Variants in SYNPO observed in about 807,000 individuals in gnomAD.
SYNPO encodes the protein synaptopodin.
Under a neutral mutation model 49.5 loss-of-function variants are expected in SYNPO, and 19 were observed. The observed-to-expected ratio is 0.38, with a 90% CI of 0.27 to 0.56. SYNPO has a LOEUF of 0.56. SYNPO is among the 20% of genes least tolerant of loss of function. SYNPO has a pLI of 0.68. For synonymous variants in SYNPO, 536 were observed against 548.0 expected, an observed-to-expected ratio of 0.98 and a Z score of 0.31; for missense variants, 1,131 against 1,248.3, an observed-to-expected ratio of 0.91 and a Z score of 1.42.
chr5:150,656,532 C>T lies in SYNPO; in HGVS notation c.2157C>T (p.Pro719=), dbSNP rs1758559289. The part of the protein sequence containing the change: ...EPGRGSSMSS[P]PPLPPPPPMS... ...GTCGCGGGAGCAGCATGAGCAGCCC[C>T]CCGCCGCTGCCGCCGCCACCGCCCA... is the stretch of plus-strand genomic sequence containing the variant. Residue 719 remains proline, a synonymous_variant, in exon 3 of 3, where the codon CCC becomes CCT. Coordinates refer to ENST00000307662, the MANE Select transcript of SYNPO (RefSeq NM_007286.6). The T allele has an allele frequency of 6.5e-7, 1 of 1,528,754 alleles. No homozygotes were observed. Among genetic ancestry groups the T allele is most frequent in the Non-Finnish European group, 8.7e-7 (1 of 1,144,124 alleles). 94.7% of individuals were successfully genotyped at this position (1,528,754 alleles called of 1,614,324 possible).
At position 150,626,648 on chromosome 5, in the gene SYNPO, A is replaced by T. The variant is rs74739145; in HGVS notation, c.400+7881A>T. Among the ~76,000 whole-genome samples, 1,217 of 152,300 alleles carry T rather than the reference A, an allele frequency of 8.0e-3. 33 individuals carry two copies. Among genetic ancestry groups the T allele is most frequent in the East Asian group, 0.07 (362 of 5,172 alleles). On this transcript the variant is annotated intron_variant, in intron 2 of 2. Coordinates refer to the SYNPO transcript ENST00000394243. ...TTATCTACTCCCCATCCCTTAAGGTAGGAAAAAAACCAACCAAATCAAACC... is the reference window on the plus strand; with the variant it reads ...TTATCTACTCCCCATCCCTTAAGGTTGGAAAAAAACCAACCAAATCAAACC...
At chr5:150,597,704 T>C (rs1756449093), upstream of SYNPO, among the ~76,000 whole-genome samples, 1 of 151,972 alleles carries the variant, frequency 6.6e-6, no homozygotes. Context: ...AGTGGCATGA[T>C]CTTTGCTTAC....
Position 150,609,585 on chromosome 5 carries a change from A to G in SYNPO, c.-266+8397A>G, listed in dbSNP as rs528567125. Among the ~76,000 whole-genome samples the G allele has an allele frequency of 1.9e-3, 290 of 152,390 alleles. 1 individual carries two copies. The highest frequency in any genetic ancestry group is 6.8e-3 in the African/African-American group (282 of 41,604). On this transcript the variant is annotated intron_variant, in intron 1 of 2. Transcript: ENST00000394243. ...GCTGGGATTATCGGCGTGAGCCATC[A>G]TGCCTGGCTGGTTAGGCATTTTCTG... is the stretch of plus-strand genomic sequence containing the variant.
chr5:150,597,481 G>A (rs886913484), upstream of SYNPO, among the ~76,000 whole-genome samples: 2 of 152,104 alleles, frequency 1.3e-5, no homozygotes, highest in East Asian at 1.9e-4. Flanking sequence ...ACAGGCACGC[G>A]TCACCACGCC....
upstream of SYNPO, among the ~76,000 whole-genome samples, chr5:150,636,460 AG>A (rs1757718247): frequency 6.6e-6 from 1 of 152,244 alleles, no homozygotes; most frequent in African/African-American, 2.4e-5. Flanking sequence ...AGGCCCCAAG[AG>A]GGTCAGGGAT....
intron 2 of SYNPO, among the ~76,000 whole-genome samples, chr5:150,619,466 G>A (rs1011209410): frequency 6.6e-6 from 1 of 152,206 alleles, no homozygotes; most frequent in African/African-American, 2.4e-5. Context: ...GGAGAGCACA[G>A]TGTGCGCGGC....
upstream of SYNPO, chr5:150,639,945 C>A (rs370253016): frequency 8.1e-3 from 1,341 of 165,156 alleles, 5 homozygotes; most frequent in Middle Eastern, 0.048. Context: ...GTGACTGGCC[C>A]TGCACTGGGC....
chr5:150,601,489 G>T (rs1373873794), intron 1 of SYNPO, among the ~76,000 whole-genome samples: 1 of 152,186 alleles, frequency 6.6e-6, no homozygotes, highest in Non-Finnish European at 1.5e-5. Flanking sequence ...GAGGGGCTGT[G>T]CAGGAGGGCT....
chr5:150,649,267 C>T lies in SYNPO; in HGVS notation c.992C>T (p.Ala331Val), dbSNP rs749255472. 8.1e-6 allele frequency: 13 copies of T among 1,614,230 alleles called. 1 individual carries two copies. In the Admixed American group the frequency reaches 8.3e-5, roughly 10 times the overall value. ...YTETLSTAPL[A>V]SWVRSPPSYS... Reference sequence around the variant, plus strand: ...GAGACCTTGTCCACAGCCCCTCTGGCTTCCTGGGTGAGGTCTCCTCCCTCA... The same window carrying T: ...GAGACCTTGTCCACAGCCCCTCTGGTTTCCTGGGTGAGGTCTCCTCCCTCA... The change falls in exon 2 of 3, where the codon GCT becomes GTT. Residue 331 changes from alanine (A) to valine (V), a missense_variant. By Grantham distance (64) the Ala-to-Val change is moderately conservative. Coordinates refer to ENST00000307662, the MANE Select transcript of SYNPO (RefSeq NM_007286.6).
At chr5:150,631,824 A>T (rs1757549490) in intron 2 of SYNPO, among the ~76,000 whole-genome samples, 1 of 152,166 alleles carries the variant, frequency 6.6e-6, no homozygotes, top group African/African-American at 2.4e-5. Flanking sequence ...CAGGCCTCAG[A>T]TGCAAGCTGG....
chr5:150,590,745 C>A, the SYNPO span, among the ~76,000 whole-genome samples: 1 of 152,278 alleles, frequency 6.6e-6, no homozygotes, highest in Non-Finnish European at 1.5e-5. Flanking sequence ...TAAGAAGATT[C>A]ACAGAAAATA....
At chr5:150,650,703 C>T in intron 2 of SYNPO, 1 of 1,371,914 alleles carries the variant, frequency 7.3e-7, no homozygotes, top group Non-Finnish European at 9.4e-7. Flanking sequence ...GGGATCCTAA[C>T]AGGGACTTCT....
chr5:150,604,939 C>T (rs1756650298), intron 1 of SYNPO, among the ~76,000 whole-genome samples: 1 of 152,142 alleles, frequency 6.6e-6, no homozygotes, highest in Admixed American at 6.5e-5. Flanking sequence ...GTCCCATCCC[C>T]GCTCCCCATG....
intron 1 of SYNPO, among the ~76,000 whole-genome samples, chr5:150,610,183 A>T (rs576734028): frequency 9.2e-5 from 14 of 152,364 alleles, no homozygotes; most frequent in African/African-American, 3.4e-4. Flanking sequence ...TTCCACAGGC[A>T]GTCTAAAGCT....
the SYNPO span, among the ~76,000 whole-genome samples, chr5:150,587,075 G>A: frequency 2.0e-5 from 3 of 152,164 alleles, no homozygotes; most frequent in African/African-American, 7.2e-5. Context: ...TGTATATATG[G>A]ATACATGGAT....
At chr5:150,635,218 C>A (rs756492387) in intron 2 of SYNPO, among the ~76,000 whole-genome samples, 1 of 152,268 alleles carries the variant, frequency 6.6e-6, no homozygotes, top group African/African-American at 2.4e-5. Flanking sequence ...TTTATGTGTA[C>A]GTCCTGCCCC....
the SYNPO span, among the ~76,000 whole-genome samples, chr5:150,588,874 T>A: frequency 6.6e-6 from 1 of 152,100 alleles, no homozygotes; most frequent in African/African-American, 2.4e-5. Flanking sequence ...ACAACTGAAT[T>A]CTTAGTAAAA....
chr5:150,619,691 G>T (rs1206162009), intron 2 of SYNPO, among the ~76,000 whole-genome samples: 2 of 152,156 alleles, frequency 1.3e-5, no homozygotes. Context: ...GGCATGCGGG[G>T]GACACAGTCC....
At chr5:150,594,836 G>A in the SYNPO span, among the ~76,000 whole-genome samples, 1 of 152,280 alleles carries the variant, frequency 6.6e-6, no homozygotes, top group East Asian at 1.9e-4. Context: ...GCAAGGTAAT[G>A]GTCGAGCAGG....
Sources: gnomAD v4.1 joint callset for allele counts (sites outside exome capture counted in the v4.1 genomes callset) on GRCh38, gnomAD v4.1.1 for gene constraint, MANE v1.5 for transcripts, NCBI Gene and HGNC (gene_info 2026-07-23, HGNC 2026-07-21) for gene names.